The following SPAG16 variants were observed in gnomAD, a reference collection of about 807,000 sequenced individuals.
SPAG16 encodes the protein sperm-associated antigen 16 protein.
Under a neutral mutation model 80.4 loss-of-function variants are expected in SPAG16, and 86 were observed. The observed-to-expected ratio is 1.07, with a 90% CI of 0.90 to 1.28. The LOEUF (loss-of-function observed/expected upper bound fraction) is 1.28. SPAG16 is among the 50% of genes most tolerant of loss of function. The pLI is 0.00. For missense variants in SPAG16, 870 were observed against 765.3 expected (o/e 1.14, Z -1.61); for synonymous variants, 294 against 265.9 (o/e 1.11, Z -1.03).
intron 12 of SPAG16, among the ~76,000 whole-genome samples, chr2:213,932,967 C>G (rs1373286908): frequency 1.3e-5 from 2 of 151,404 alleles, no homozygotes; most frequent in African/African-American, 4.8e-5. Flanking sequence ...CACACACACA[C>G]ACACACACAC....
chr2:213,803,398 G>A (rs1025491833), intron 10 of SPAG16, among the ~76,000 whole-genome samples: 2 of 152,102 alleles, frequency 1.3e-5, no homozygotes, highest in Non-Finnish European at 2.9e-5. Context: ...ATCCTAAGGG[G>A]GAAAATACAG....
intron 15 of SPAG16, among the ~76,000 whole-genome samples, chr2:214,327,611 G>C (rs1355039377): frequency 6.6e-6 from 1 of 152,068 alleles, no homozygotes; most frequent in Non-Finnish European, 1.5e-5. Context: ...AGTCATCTCA[G>C]GGCAATAGTA....
intron 15 of SPAG16, among the ~76,000 whole-genome samples, chr2:214,310,795 G>A (rs535550651): frequency 1.3e-5 from 2 of 152,316 alleles, no homozygotes; most frequent in South Asian, 2.1e-4. Flanking sequence ...AGAAATGCCT[G>A]TCTGGTGGCT....
At chr2:214,097,677 G>C (rs867125540) in intron 13 of SPAG16, among the ~76,000 whole-genome samples, 49 of 151,946 alleles carry the variant, frequency 3.2e-4, no homozygotes, top group African/African-American at 1.1e-3. Flanking sequence ...GTGTGTGTGC[G>C]TGTGTGTGCA....
intron 11 of SPAG16, among the ~76,000 whole-genome samples, chr2:213,921,061 A>G (rs1020777696): frequency 7.2e-5 from 11 of 152,118 alleles, no homozygotes; most frequent in African/African-American, 2.2e-4. Context: ...AGCCTCCTGT[A>G]GGGTTCCCAG....
chr2:213,711,660 C>T (rs1181309419), intron 10 of SPAG16, among the ~76,000 whole-genome samples: 2 of 151,802 alleles, frequency 1.3e-5, no homozygotes, highest in East Asian at 3.9e-4. Context: ...GCTGAGATTA[C>T]AGGTGTGCAC....
chr2:213,465,103 C>T (rs1046751797), intron 9 of SPAG16, among the ~76,000 whole-genome samples: 6 of 152,068 alleles, frequency 3.9e-5, no homozygotes, highest in Non-Finnish European at 7.4e-5. Flanking sequence ...TGCCACTTCC[C>T]GTGGAAGGAA....
chr2:213,624,768 C>G (rs1008558995), intron 10 of SPAG16, among the ~76,000 whole-genome samples: 1 of 152,128 alleles, frequency 6.6e-6, no homozygotes, highest in African/African-American at 2.4e-5. Context: ...TGATCTTGGA[C>G]AAGATACTTA....
intron 15 of SPAG16, among the ~76,000 whole-genome samples, chr2:214,305,968 G>C (rs1256413668): frequency 6.6e-6 from 1 of 152,072 alleles, no homozygotes; most frequent in African/African-American, 2.4e-5. Context: ...GCTTTGGGCA[G>C]TATGACCATT....
intron 14 of SPAG16, among the ~76,000 whole-genome samples, chr2:214,125,367 T>C (rs963893016): frequency 1.3e-5 from 2 of 151,806 alleles, no homozygotes; most frequent in Non-Finnish European, 2.9e-5. Context: ...CATTACATTA[T>C]GAATTGCTTT....
intron 10 of SPAG16, among the ~76,000 whole-genome samples, chr2:213,847,719 G>A (rs571834353): frequency 2.6e-4 from 40 of 152,294 alleles, no homozygotes; most frequent in African/African-American, 9.6e-4. Context: ...GGTAGTGAGA[G>A]GACAACAGGA....
chr2:214,024,314 C>T (rs1559704625), intron 13 of SPAG16, among the ~76,000 whole-genome samples: 1 of 151,558 alleles, frequency 6.6e-6, no homozygotes, highest in Non-Finnish European at 1.5e-5. Flanking sequence ...GATTTTTATT[C>T]ATTACTGAAA....
chr2:213,684,041 G>A (rs975248087), intron 10 of SPAG16, among the ~76,000 whole-genome samples: 3 of 152,208 alleles, frequency 2.0e-5, no homozygotes, highest in Non-Finnish European at 4.4e-5. Flanking sequence ...CATTCTGACT[G>A]TAGGCTGACA....
intron 10 of SPAG16, among the ~76,000 whole-genome samples, chr2:213,731,885 G>C (rs2067061159): frequency 6.6e-6 from 1 of 152,120 alleles, no homozygotes; most frequent in African/African-American, 2.4e-5. Flanking sequence ...TCCGTTGGTA[G>C]TTTATTTTGC....
chr2:213,747,427 C>T (rs2067876688), intron 10 of SPAG16, among the ~76,000 whole-genome samples: 2 of 152,274 alleles, frequency 1.3e-5, no homozygotes, highest in African/African-American at 2.4e-5. Flanking sequence ...TGTACACTAG[C>T]GTCCTAGGCC....
chr2:214,124,071 G>T (rs1226886593), intron 14 of SPAG16, among the ~76,000 whole-genome samples: 1 of 151,808 alleles, frequency 6.6e-6, no homozygotes, highest in Non-Finnish European at 1.5e-5. Flanking sequence ...CATTGACTAG[G>T]AAGTGTCAGA....
chr2:213,939,627 A>T (rs2079119755), intron 12 of SPAG16, among the ~76,000 whole-genome samples: 1 of 152,174 alleles, frequency 6.6e-6, no homozygotes, highest in Non-Finnish European at 1.5e-5. Context: ...GTCACACATA[A>T]ACCACCCAAT....
At chr2:213,866,794 A>G (rs1241166248) in intron 11 of SPAG16, among the ~76,000 whole-genome samples, 1 of 152,206 alleles carries the variant, frequency 6.6e-6, no homozygotes, top group East Asian at 1.9e-4. Context: ...TTACTTCTCC[A>G]GTTGGTGTTT....
chr2:213,426,068 T>A, intron 9 of SPAG16, among the ~76,000 whole-genome samples: 1 of 152,258 alleles, frequency 6.6e-6, no homozygotes, highest in Non-Finnish European at 1.5e-5. Context: ...AATTATTAAT[T>A]AAACATTTAA....
Sources: gnomAD v4.1 joint callset for allele counts (sites outside exome capture counted in the v4.1 genomes callset) on GRCh38, gnomAD v4.1.1 for gene constraint, MANE v1.5 for transcripts, NCBI Gene and HGNC (gene_info 2026-07-23, HGNC 2026-07-21) for gene names.